RNMT: variants seen among roughly 807,000 people sequenced by gnomAD.
The protein encoded by RNMT is RNA guanine-7 methyltransferase.
Under a neutral mutation model 56.0 loss-of-function variants are expected in RNMT, and 27 were observed. That is an observed-to-expected ratio of 0.48 (90% CI 0.36 to 0.67). The LOEUF is 0.67. RNMT is among the 30% of genes least tolerant of loss of function. RNMT has a pLI of 0.00. For synonymous variants in RNMT, 184 were observed against 176.2 expected, an observed-to-expected ratio of 1.04 and a Z score of -0.35; for missense variants, 519 against 552.1, an observed-to-expected ratio of 0.94 and a Z score of 0.60.
chr18:13,735,185 A>C (rs1412231376), intron 4 of RNMT, among the ~76,000 whole-genome samples: 1 of 152,204 alleles, frequency 6.6e-6, no homozygotes, highest in African/African-American at 2.4e-5. Flanking sequence ...GAACTTTAAA[A>C]AGTGGTTTGT....
At chr18:13,744,761 A>G (rs1349229908) in intron 8 of RNMT, among the ~76,000 whole-genome samples, 2 of 152,098 alleles carry the variant, frequency 1.3e-5, no homozygotes, top group African/African-American at 2.4e-5. Flanking sequence ...GCCACCCTGT[A>G]CACGAGCCTT....
In RNMT at chr18:13,734,483, G is replaced by C; in HGVS notation, c.437G>C (p.Ser146Thr). ...TTTCAGAATCTGGAAGAAGGACACA[G>C]CTCAACAGTGGCTGCCCATTACAAT... The part of the protein sequence containing the change: ...EKQKNLEEGH[S>T]STVAAHYNEL... Residue 146 changes from serine (S) to threonine (T), a missense_variant, in exon 4 of 12, where the codon AGC (serine) becomes ACC (threonine). Ser to Thr is a moderately conservative substitution (Grantham distance 58, BLOSUM62 1). Coordinates refer to ENST00000383314, the MANE Select transcript of RNMT (RefSeq NM_003799.3). 2 of 1,612,462 alleles carry C rather than the reference G, an allele frequency of 1.2e-6. No homozygotes were observed. The highest frequency in any genetic ancestry group is 1.7e-6 in the Non-Finnish European group (2 of 1,179,448).
At position 13,731,584 on chromosome 18, in the gene RNMT, A is replaced by G; in HGVS notation, c.67A>G (p.Asn23Asp). ...TCTTGAACAGGCAAAAGCGTCAGTGAATTCTGAAACAGAGTCTTCATTCAA... is the reference window on the plus strand; with the variant it reads ...TCTTGAACAGGCAAAAGCGTCAGTGGATTCTGAAACAGAGTCTTCATTCAA... ...MSLEQAKASV[N>D]SETESSFNIN... Residue 23 changes from asparagine (N) to aspartate (D), a missense_variant, in exon 3 of 12, where the codon AAT becomes GAT. By Grantham distance (23) the Asn-to-Asp change is conservative (BLOSUM62 1). Coordinates refer to ENST00000383314, the MANE Select transcript of RNMT (RefSeq NM_003799.3). 2 of 1,613,096 alleles carry G rather than the reference A, an allele frequency of 1.2e-6. No homozygotes were observed. The highest frequency in any genetic ancestry group is 1.7e-6 in the Non-Finnish European group (2 of 1,179,770).
At position 13,762,802 on chromosome 18, in the gene RNMT, T is replaced by C. The variant is rs2044636225; in HGVS notation, c.*2823T>C. The C allele has an allele frequency of 1.1e-5, 3 of 274,086 alleles. No homozygotes were observed. The highest frequency in any genetic ancestry group is 1.4e-3 in the Middle Eastern group (1 of 732). The allele number at this position is 274,086 out of a possible 1,614,324, so 17.0% of individuals were successfully genotyped here. On this transcript the variant is annotated 3_prime_UTR_variant, in exon 12 of 12. Transcript: ENST00000383314. ...TTGGGAATTTCTTTTTCAGCCTGTT[T>C]TTTAGCTTAGTGCCATTATGTCATT...
In RNMT at chr18:13,760,774, A is replaced by T; in HGVS notation, c.*795A>T. ...TCCCTCCCATGTAGACATGTTGCAC[A>T]TTTTTTCCAAATTTATACATGGAAC... On this transcript the variant is annotated 3_prime_UTR_variant, in exon 12 of 12. Transcript: ENST00000383314. 1 of 985,380 alleles carries T rather than the reference A, an allele frequency of 1.0e-6. No homozygotes were observed. The allele number at this position is 985,380 out of a possible 1,614,324, so 61.0% of individuals were successfully genotyped here. A position where few individuals can be genotyped will look rare whatever the true frequency, so the allele number is the denominator to read the frequency against.
In RNMT at chr18:13,754,233, A is replaced by T. The variant is rs186851706; in HGVS notation, c.1393+86A>T. On this transcript the variant is annotated intron_variant, in intron 11 of 11. Transcript: ENST00000383314. ...ATTAAAACCTGAAAAAAGGCTGGGCACTGTGGCTCACACCAGTACTCTCAG... is the reference window on the plus strand; with the variant it reads ...ATTAAAACCTGAAAAAAGGCTGGGCTCTGTGGCTCACACCAGTACTCTCAG... 3,976 of 844,272 alleles carry T rather than the reference A, an allele frequency of 4.7e-3. 21 individuals carry two copies. The highest frequency in any genetic ancestry group is 6.8e-3 in the Non-Finnish European group (3,514 of 519,564). 52.3% of individuals were successfully genotyped at this position (844,272 alleles called of 1,614,324 possible).
At chr18:13,752,236 C>T (rs1179651042) in intron 9 of RNMT, 90 bp from the exon 10 acceptor site, 2 of 746,846 alleles carry the variant, frequency 2.7e-6, no homozygotes, top group Non-Finnish European at 4.7e-6. Context: ...GGATTATTCT[C>T]CTAATTATGT....
intron 6 of RNMT, among the ~76,000 whole-genome samples, chr18:13,740,925 A>G (rs549967632): frequency 6.6e-6 from 1 of 152,240 alleles, no homozygotes; most frequent in Non-Finnish European, 1.5e-5. Context: ...TTCCCAACAT[A>G]TCAGAGCCTG....
intron 4 of RNMT, among the ~76,000 whole-genome samples, chr18:13,736,369 C>T (rs1046759895): frequency 1.7e-4 from 26 of 152,070 alleles, no homozygotes; most frequent in African/African-American, 5.3e-4. Context: ...TGCTTTTAAT[C>T]GACGTTTGAA....
intron 3 of RNMT, among the ~76,000 whole-genome samples, chr18:13,733,297 T>C (rs1447502290): frequency 6.6e-6 from 1 of 152,130 alleles, no homozygotes; most frequent in Non-Finnish European, 1.5e-5. Context: ...GAAGCACAAA[T>C]TGAAAACTGT....
chr18:13,764,357 A>G lies in RNMT; in HGVS notation c.*4378A>G, dbSNP rs866966421. ...AACTACCTCTCCAAGGGAAACCACT[A>G]TCCTGAGTTCTAAGCGCATAGATTA... On this transcript the variant is annotated 3_prime_UTR_variant, in exon 12 of 12. Transcript: ENST00000383314. 9.2e-5 allele frequency: 14 copies of G among 152,182 alleles called. No individual in the cohort carries two copies. Among genetic ancestry groups the G allele is most frequent in the African/African-American group, 2.9e-4 (12 of 41,450 alleles). 9.4% of individuals were successfully genotyped at this position (152,182 alleles called of 1,614,324 possible).
chr18:13,733,918 A>C (rs1461642354), intron 3 of RNMT, among the ~76,000 whole-genome samples: 2 of 152,210 alleles, frequency 1.3e-5, no homozygotes, highest in Non-Finnish European at 2.9e-5. Flanking sequence ...TTTCAAAATA[A>C]GGTGATATGG....
Position 13,731,906 on chromosome 18 carries a change from C to T in RNMT, c.389C>T (p.Ala130Val). Residue 130 changes from alanine to valine, a missense_variant, in exon 3 of 12, where the codon GCA becomes GTA. By Grantham distance (64) the Ala-to-Val change is moderately conservative (BLOSUM62 0). Coordinates refer to ENST00000383314, the MANE Select transcript of RNMT (RefSeq NM_003799.3). ...GDGTQNKRKI[A>V]LEDVPEKQKN... ...GGCACTCAAAATAAGAGAAAAATAG[C>T]ACTTGAGGATGTTCCTGAAAAGCAG... 1.3e-6 allele frequency: 2 copies of T among 1,599,164 alleles called. No homozygotes were observed. The highest frequency in any genetic ancestry group is 1.7e-6 in the Non-Finnish European group (2 of 1,176,412).
At chr18:13,742,712 G>C in intron 8 of RNMT, 60 bp downstream of exon 8, 11 of 1,265,174 alleles carry the variant, frequency 8.7e-6, no homozygotes, top group Non-Finnish European at 1.2e-5. Flanking sequence ...GAAAAGCGGG[G>C]AAAAGCAATA....
chr18:13,761,088 CA>C lies in RNMT; in HGVS notation c.*1114del. The C allele has an allele frequency of 1.0e-6, 1 of 985,102 alleles. No individual in the cohort carries two copies. Among genetic ancestry groups the C allele is most frequent in the Non-Finnish European group, 1.2e-6 (1 of 829,620 alleles). The allele number at this position is 985,102 out of a possible 1,614,324, so 61.0% of individuals were successfully genotyped here. A position where few individuals can be genotyped will look rare whatever the true frequency, so the allele number is the denominator to read the frequency against. ...TTTTAAATTATTAAGCCATGATTTA[CA>C]AAAACATTACTTTCTGTAATTCACA... On this transcript the variant is annotated 3_prime_UTR_variant, in exon 12 of 12. Transcript: ENST00000383314.
At chr18:13,730,115 T>C (rs926410234) in intron 1 of RNMT, among the ~76,000 whole-genome samples, 5 of 152,222 alleles carry the variant, frequency 3.3e-5, no homozygotes, top group African/African-American at 1.2e-4. Context: ...AATAGTGGTA[T>C]ATAAGCTATA....
At chr18:13,732,735 GCCC>G (rs10535272) in intron 3 of RNMT, among the ~76,000 whole-genome samples, 4 of 127,302 alleles carry the variant, frequency 3.1e-5, no homozygotes, top group South Asian at 2.4e-4. Flanking sequence ...ACAGAGGGGA[GCCC>G]CCCCTTTTTT....
chr18:13,763,393 C>G lies in RNMT; in HGVS notation c.*3414C>G. ...ATGTAGGCCTAAAGTCACCCCACTC[C>G]TTAGTGCCTGCACCTCACCACGATA... On this transcript the variant is annotated 3_prime_UTR_variant, in exon 12 of 12. Coordinates refer to ENST00000383314, the MANE Select transcript of RNMT (RefSeq NM_003799.3). The G allele has an allele frequency of 3.6e-6, 1 of 281,348 alleles. No individual in the cohort carries two copies. The highest frequency in any genetic ancestry group is 7.2e-6 in the Non-Finnish European group (1 of 139,118). 17.4% of individuals were successfully genotyped at this position (281,348 alleles called of 1,614,324 possible).
At chr18:13,756,055 G>A (rs769844894) in intron 11 of RNMT, among the ~76,000 whole-genome samples, 5 of 152,120 alleles carry the variant, frequency 3.3e-5, no homozygotes, top group African/African-American at 4.8e-5. Context: ...TGGGTTGAGC[G>A]TATTTTGCAT....
Sources: allele counts gnomAD v4.1 joint callset (sites outside exome capture counted in the v4.1 genomes callset), GRCh38; gene constraint gnomAD v4.1.1; transcripts MANE v1.5; gene names NCBI Gene and HGNC (gene_info 2026-07-23, HGNC 2026-07-21).